Variants in ADGRB3 observed in about 807,000 individuals in gnomAD.
ADGRB3 encodes adhesion G protein-coupled receptor B3, also known as brain-specific angiogenesis inhibitor 3.
In ADGRB3, 37 loss-of-function variants were observed where a neutral mutation model predicts 193.4. The observed-to-expected ratio is 0.19, with a 90% CI of 0.15 to 0.25. The LOEUF is 0.25. Ranked by LOEUF, ADGRB3 falls within the 10% of genes least tolerant of loss-of-function variation. ADGRB3 has a pLI of 1.00. For missense variants in ADGRB3, 1,637 were observed against 1,852.9 expected (o/e 0.88, Z 2.14); for synonymous variants, 690 against 644.2 (o/e 1.07, Z -1.08).
chr6:68,890,062 T>C (rs1014520676), intron 3 of ADGRB3, among the ~76,000 whole-genome samples: 1 of 152,202 alleles, frequency 6.6e-6, no homozygotes. Context: ...AAAATGTCAA[T>C]ATTTTCTGTA....
chr6:68,758,075 C>A (rs1467837710), intron 3 of ADGRB3, among the ~76,000 whole-genome samples: 1 of 151,996 alleles, frequency 6.6e-6, no homozygotes, highest in Non-Finnish European at 1.5e-5. Context: ...CCTGTTCTGG[C>A]CTCTGATAGG....
chr6:69,264,720 C>A (rs1767003890), intron 20 of ADGRB3, among the ~76,000 whole-genome samples: 1 of 151,800 alleles, frequency 6.6e-6, no homozygotes, highest in African/African-American at 2.4e-5. Flanking sequence ...TACAGAACAA[C>A]TTCAGAAATG....
chr6:68,810,889 A>G (rs1767500696), intron 3 of ADGRB3, among the ~76,000 whole-genome samples: 1 of 152,178 alleles, frequency 6.6e-6, no homozygotes, highest in Admixed American at 6.5e-5. Context: ...AATAAAAAGT[A>G]GCAGTATTAT....
chr6:68,848,085 T>G (rs1768318139), intron 3 of ADGRB3, among the ~76,000 whole-genome samples: 1 of 151,732 alleles, frequency 6.6e-6, no homozygotes, highest in East Asian at 1.9e-4. Context: ...AAGCATAAAA[T>G]TAAAATCAGT....
intron 3 of ADGRB3, among the ~76,000 whole-genome samples, chr6:68,855,891 G>T (rs1764974432): frequency 6.6e-6 from 1 of 152,114 alleles, no homozygotes; most frequent in Non-Finnish European, 1.5e-5. Flanking sequence ...CAGTGATATG[G>T]TTTGGCTCTG....
intron 17 of ADGRB3, among the ~76,000 whole-genome samples, chr6:69,192,629 T>TA (rs1765216576): frequency 6.6e-6 from 1 of 152,182 alleles, no homozygotes; most frequent in Non-Finnish European, 1.5e-5. Flanking sequence ...TTGAGTCTTG[T>TA]AATAGTTTGT....
intron 3 of ADGRB3, among the ~76,000 whole-genome samples, chr6:68,786,788 A>C (rs2127364124): frequency 6.6e-6 from 1 of 151,434 alleles, no homozygotes; most frequent in East Asian, 1.9e-4. Flanking sequence ...ACCCATGAGC[A>C]TGGAATTTTC....
At chr6:68,664,290 ATTG>A (rs1427912504) in intron 3 of ADGRB3, among the ~76,000 whole-genome samples, 1 of 151,726 alleles carries the variant, frequency 6.6e-6, no homozygotes, top group African/African-American at 2.4e-5. Context: ...AGGATAAAAT[ATTG>A]TTAGAGATTG....
At chr6:69,107,717 A>C (rs1025965359) in intron 17 of ADGRB3, among the ~76,000 whole-genome samples, 12 of 152,240 alleles carry the variant, frequency 7.9e-5, no homozygotes, top group African/African-American at 2.9e-4. Flanking sequence ...AGCCATAAAA[A>C]GAATGAAATC....
intron 21 of ADGRB3, among the ~76,000 whole-genome samples, chr6:69,325,376 T>G (rs1468125972): frequency 2.0e-5 from 3 of 152,054 alleles, no homozygotes; most frequent in Non-Finnish European, 4.4e-5. Flanking sequence ...TCACTAGGCA[T>G]GTACTCCCAC....
At chr6:69,347,689 G>A (rs1769131135) in intron 26 of ADGRB3, among the ~76,000 whole-genome samples, 1 of 152,082 alleles carries the variant, frequency 6.6e-6, no homozygotes. Flanking sequence ...GGAGGAGAAG[G>A]TAGTAGGGTT....
intron 3 of ADGRB3, among the ~76,000 whole-genome samples, chr6:68,869,275 A>T (rs1765393923): frequency 6.6e-6 from 1 of 152,170 alleles, no homozygotes; most frequent in Admixed American, 6.5e-5. Flanking sequence ...CCTCTGGTTG[A>T]TATAGAAACT....
intron 17 of ADGRB3, among the ~76,000 whole-genome samples, chr6:69,205,826 C>A (rs971033666): frequency 6.6e-6 from 1 of 151,516 alleles, no homozygotes; most frequent in African/African-American, 2.4e-5. Flanking sequence ...CACCTTGTCA[C>A]CCAGGCTGGA....
At chr6:68,907,558 C>T (rs948993907) in intron 3 of ADGRB3, among the ~76,000 whole-genome samples, 1 of 151,734 alleles carries the variant, frequency 6.6e-6, no homozygotes, top group Non-Finnish European at 1.5e-5. Context: ...TTAGGGATTC[C>T]TATTGTAAAA....
chr6:68,806,148 TTTGA>T (rs1307100966), intron 3 of ADGRB3, among the ~76,000 whole-genome samples: 4 of 152,188 alleles, frequency 2.6e-5, no homozygotes, highest in Non-Finnish European at 4.4e-5. Context: ...AGGTAAATGG[TTTGA>T]TTAAGATGGT....
chr6:68,907,779 AT>A, intron 3 of ADGRB3, among the ~76,000 whole-genome samples: 1 of 151,918 alleles, frequency 6.6e-6, no homozygotes, highest in East Asian at 1.9e-4. Flanking sequence ...CCTTATGGTT[AT>A]TTTTAACCAT....
At chr6:68,846,465 G>GA (rs1267214911) in intron 3 of ADGRB3, among the ~76,000 whole-genome samples, 2 of 152,196 alleles carry the variant, frequency 1.3e-5, no homozygotes, top group African/African-American at 4.8e-5. Flanking sequence ...TGCCCAGGAG[G>GA]AAAAAATGAT....
At chr6:68,977,115 CT>C (rs890593506) in intron 10 of ADGRB3, among the ~76,000 whole-genome samples, 7 of 149,030 alleles carry the variant, frequency 4.7e-5, no homozygotes, top group African/African-American at 1.2e-4. Context: ...TTTTTATAGT[CT>C]TTTTTTGTTT....
At chr6:68,971,804 C>T (rs1396454675) in intron 8 of ADGRB3, among the ~76,000 whole-genome samples, 1 of 152,214 alleles carries the variant, frequency 6.6e-6, no homozygotes, top group Non-Finnish European at 1.5e-5. Flanking sequence ...TCTTCTTTTC[C>T]ACCGCTTCCC....
Sources: gnomAD v4.1 joint callset for allele counts (sites outside exome capture counted in the v4.1 genomes callset) on GRCh38, gnomAD v4.1.1 for gene constraint, MANE v1.5 for transcripts, NCBI Gene and HGNC (gene_info 2026-07-23, HGNC 2026-07-21) for gene names.